Variants in SAMD5 observed in about 807,000 individuals in gnomAD.
SAMD5 encodes the protein sterile alpha motif domain containing 5, also known as sterile alpha motif domain-containing protein 5.
A neutral mutation model predicts 11.3 loss-of-function variants in SAMD5; 13 were observed. That is an observed-to-expected ratio of 1.15 (90% CI 0.75 to 1.83). The LOEUF is 1.83. Among genes scored for constraint, SAMD5 ranks in the 40% most tolerant of loss-of-function variants. The pLI, the probability that SAMD5 is intolerant of heterozygous loss-of-function variation, is 0.00. For missense variants in SAMD5, 255 were observed against 239.1 expected, an observed-to-expected ratio of 1.07 and a Z score of -0.44; for synonymous variants, 129 against 111.3, an observed-to-expected ratio of 1.16 and a Z score of -1.00.
chr6:147,656,839 T>A (rs115676588), intron 1 of SAMD5, among the ~76,000 whole-genome samples: 1 of 152,026 alleles, frequency 6.6e-6, no homozygotes, highest in African/African-American at 2.4e-5. Flanking sequence ...TTGGTTTCTA[T>A]CCTAGCAATC....
At chr6:147,739,153 C>T (rs976706719), downstream of SAMD5, among the ~76,000 whole-genome samples, 1 of 152,198 alleles carries the variant, frequency 6.6e-6, no homozygotes, top group Non-Finnish European at 1.5e-5. Flanking sequence ...CAGAGCAGGG[C>T]AGTGTTTCTA....
At chr6:147,784,594 C>T in the SAMD5 span, among the ~76,000 whole-genome samples, 70 of 152,274 alleles carry the variant, frequency 4.6e-4, no homozygotes, top group East Asian at 9.3e-3. Context: ...GCAATTACTG[C>T]GGTAAATTGC....
At chr6:147,919,851 A>C in the SAMD5 span, among the ~76,000 whole-genome samples, 1 of 152,196 alleles carries the variant, frequency 6.6e-6, no homozygotes, top group African/African-American at 2.4e-5. Flanking sequence ...GAGGCCAGGG[A>C]AGCAACGTGA....
chr6:147,591,264 G>C (rs1789449701), intron 1 of SAMD5, among the ~76,000 whole-genome samples: 1 of 152,172 alleles, frequency 6.6e-6, no homozygotes, highest in Non-Finnish European at 1.5e-5. Context: ...CTTCAACCAT[G>C]ATGGTTTCAG....
At chr6:147,667,928 A>G (rs1001759632) in intron 1 of SAMD5, among the ~76,000 whole-genome samples, 17 of 152,190 alleles carry the variant, frequency 1.1e-4, no homozygotes, top group African/African-American at 3.9e-4. Flanking sequence ...GATAAAATTA[A>G]CATTCCAAGT....
chr6:147,851,886 A>G, the SAMD5 span, among the ~76,000 whole-genome samples: 1 of 152,146 alleles, frequency 6.6e-6, no homozygotes, highest in Non-Finnish European at 1.5e-5. Flanking sequence ...TTTATCCCCC[A>G]AATTTAATTT....
At chr6:147,519,366 T>C (rs1788218194) in intron 1 of SAMD5, among the ~76,000 whole-genome samples, 1 of 152,218 alleles carries the variant, frequency 6.6e-6, no homozygotes, top group African/African-American at 2.4e-5. Context: ...ATTCCTTCTT[T>C]AGTTTTAAAG....
chr6:147,939,916 G>A, the SAMD5 span, among the ~76,000 whole-genome samples: 1 of 152,016 alleles, frequency 6.6e-6, no homozygotes, highest in Non-Finnish European at 1.5e-5. Context: ...AGAATATGAT[G>A]TTATGGGATC....
chr6:147,712,724 G>C (rs1791416740), intron 1 of SAMD5, among the ~76,000 whole-genome samples: 1 of 151,976 alleles, frequency 6.6e-6, no homozygotes, highest in Non-Finnish European at 1.5e-5. Context: ...CAATGAAAAG[G>C]CAAGGTGGCT....
chr6:147,556,204 C>A (rs1021872255), intron 1 of SAMD5, among the ~76,000 whole-genome samples: 1 of 151,978 alleles, frequency 6.6e-6, no homozygotes. Flanking sequence ...GCCATTCTCC[C>A]GCCTCAGCCT....
At chr6:147,579,975 G>C (rs77932077) in intron 1 of SAMD5, among the ~76,000 whole-genome samples, 1 of 152,208 alleles carries the variant, frequency 6.6e-6, no homozygotes, top group Non-Finnish European at 1.5e-5. Flanking sequence ...GAGAAATATA[G>C]TGTGGGCAAT....
At chr6:147,834,518 C>T in the SAMD5 span, among the ~76,000 whole-genome samples, 2 of 152,082 alleles carry the variant, frequency 1.3e-5, no homozygotes, top group African/African-American at 4.8e-5. Flanking sequence ...AGTGATTAGG[C>T]GAGGACAAGG....
At chr6:147,949,266 T>C in the SAMD5 span, among the ~76,000 whole-genome samples, 6 of 152,138 alleles carry the variant, frequency 3.9e-5, no homozygotes, top group Admixed American at 6.5e-5. Context: ...GCCACTCCTA[T>C]GATGGGGGAA....
chr6:147,953,330 C>T, the SAMD5 span: 1 of 151,764 alleles, frequency 6.6e-6, no homozygotes, highest in Non-Finnish European at 1.5e-5. Flanking sequence ...GCCACTTCAG[C>T]CATTCGACTC....
intron 1 of SAMD5, among the ~76,000 whole-genome samples, chr6:147,628,429 G>A (rs988473978): frequency 1.2e-4 from 19 of 152,170 alleles, no homozygotes; most frequent in African/African-American, 4.3e-4. Flanking sequence ...AACGTATTTT[G>A]AGAATGAAAG....
rs1789048998 is a variant in SAMD5, at chr6:147,566,794, C to T, written c.*2338C>T. The T allele has an allele frequency of 3.1e-6, 3 of 980,804 alleles. No homozygotes were observed. The African/African-American group carries it at 5.3e-5, about 17-fold the overall frequency. The allele number at this position is 980,804 out of a possible 1,614,324, so 60.8% of individuals were successfully genotyped here. ...TAAGCAAAGAAGTATTGAAGGATGCCCACGAATTCCTTTGCATTAAAATCA... is the reference window on the plus strand; with the variant it reads ...TAAGCAAAGAAGTATTGAAGGATGCTCACGAATTCCTTTGCATTAAAATCA... On this transcript the variant is annotated 3_prime_UTR_variant, in exon 2 of 2. Coordinates refer to ENST00000367474, the MANE Select transcript of SAMD5 (RefSeq NM_001030060.3).
chr6:147,698,058 C>T (rs538170148), intron 1 of SAMD5, among the ~76,000 whole-genome samples: 11 of 152,250 alleles, frequency 7.2e-5, no homozygotes, highest in South Asian at 6.2e-4. Context: ...TTAGATCCCC[C>T]GCACACGCAG....
At chr6:147,807,549 C>T in the SAMD5 span, among the ~76,000 whole-genome samples, 7 of 152,056 alleles carry the variant, frequency 4.6e-5, no homozygotes, top group African/African-American at 1.7e-4. Flanking sequence ...ATTAAGTACT[C>T]CATTTTACTA....
At chr6:147,770,578 G>C in the SAMD5 span, among the ~76,000 whole-genome samples, 1 of 152,126 alleles carries the variant, frequency 6.6e-6, no homozygotes, top group Non-Finnish European at 1.5e-5. Context: ...CAATTGTTTT[G>C]AAATACAACT....
Sources: gnomAD v4.1 joint callset for allele counts (sites outside exome capture counted in the v4.1 genomes callset) on GRCh38, gnomAD v4.1.1 for gene constraint, MANE v1.5 for transcripts, NCBI Gene and HGNC (gene_info 2026-07-23, HGNC 2026-07-21) for gene names.